Variants in HHIP observed in about 807,000 individuals in gnomAD.
The protein encoded by HHIP is hedgehog-interacting protein.
In HHIP, 12 loss-of-function variants were observed where a neutral mutation model predicts 74.0. That is an observed-to-expected ratio of 0.16 (90% CI 0.10 to 0.26). The LOEUF (loss-of-function observed/expected upper bound fraction) is 0.26. HHIP is among the 10% of genes least tolerant of loss of function. HHIP has a pLI of 1.00. For missense variants in HHIP, 788 were observed against 845.0 expected, an observed-to-expected ratio of 0.93 and a Z score of 0.84; for synonymous variants, 309 against 311.6, an observed-to-expected ratio of 0.99 and a Z score of 0.09.
In HHIP at chr4:144,677,397, C is replaced by G. The variant is rs116070261; in HGVS notation, c.831+17559C>G. Among the ~76,000 whole-genome samples the G allele has an allele frequency of 5.4e-3, 818 of 152,276 alleles. 9 individuals are homozygous for G. Among genetic ancestry groups the G allele is most frequent in the African/African-American group, 0.019 (798 of 41,538 alleles). ...CAGCACAGATTGTAGCAGCTCTAAG[C>G]TTACATCCTACCAGCTTAGCAAATC... On this transcript the variant is annotated intron_variant, in intron 4 of 12. Coordinates refer to ENST00000296575, the MANE Select transcript of HHIP (RefSeq NM_022475.3).
intron 1 of HHIP, chr4:144,650,542 A>C (rs13136840): frequency 0.36 from 54,225 of 151,794 alleles, 10,995 homozygotes; most frequent in South Asian, 0.52. Context: ...ACACACCCAG[A>C]CTCATCTGTC....
At chr4:144,659,459 T>G (rs867849451) in intron 3 of HHIP, among the ~76,000 whole-genome samples, 178 bp from the exon 4 acceptor site, 1 of 152,230 alleles carries the variant, frequency 6.6e-6, no homozygotes, top group Non-Finnish European at 1.5e-5. Flanking sequence ...TTTTTGCCAT[T>G]GAAAGAATTT....
intron 11 of HHIP, among the ~76,000 whole-genome samples, chr4:144,730,221 C>T (rs913115592): frequency 7.3e-6 from 1 of 136,180 alleles, no homozygotes; most frequent in African/African-American, 2.6e-5. Flanking sequence ...ACAAAGCAAG[C>T]CAAAGTTGGT....
At chr4:144,670,087 T>C (rs1156332780) in intron 4 of HHIP, among the ~76,000 whole-genome samples, 1 of 147,668 alleles carries the variant, frequency 6.8e-6, no homozygotes, top group Non-Finnish European at 1.5e-5. Context: ...GAGGTTTCAG[T>C]GAGCCGAGAT....
rs150215905 is a variant in HHIP at position 144,670,543 on chromosome 4, C to T, written c.831+10705C>T. On this transcript the variant is annotated intron_variant, in intron 4 of 12. Transcript: ENST00000296575. ...TGCCATACTATTTAGTTCTAATAAG[C>T]TGTTTCTAAACCACCCTCTTATTCT... 6.7e-5 allele frequency among the ~76,000 whole-genome samples: 10 copies of T among 149,930 alleles called. No individual in the cohort carries two copies. In the East Asian group the frequency reaches 2.0e-3, roughly 30 times the overall value.
At chr4:144,682,148 T>C (rs931956037) in intron 4 of HHIP, among the ~76,000 whole-genome samples, 1 of 152,168 alleles carries the variant, frequency 6.6e-6, no homozygotes, top group Non-Finnish European at 1.5e-5. Context: ...ATTAGAAATA[T>C]GGGGGACATA....
rs1731283087 is a variant in HHIP at position 144,742,476 on chromosome 4, T to A, written c.*4519T>A. On this transcript the variant is annotated 3_prime_UTR_variant, in exon 13 of 13. Coordinates refer to ENST00000296575, the MANE Select transcript of HHIP (RefSeq NM_022475.3). ...ACAGCAGGGAAAGTTAGTAGCTATT[T>A]CCTAGCCAAGGAACAACCTTCTCTA... 1.3e-5 allele frequency: 2 copies of A among 152,240 alleles called. No individual in the cohort carries two copies. Among genetic ancestry groups the A allele is most frequent in the South Asian group, 2.1e-4 (1 of 4,824 alleles). 9.4% of individuals were successfully genotyped at this position (152,240 alleles called of 1,614,324 possible). A position where few individuals can be genotyped will look rare whatever the true frequency, so the allele number is the denominator to read the frequency against.
chr4:144,706,484 G>T, intron 4 of HHIP, 47 bp from the exon 5 acceptor site: 1 of 1,468,788 alleles, frequency 6.8e-7, no homozygotes, highest in South Asian at 1.4e-5. Flanking sequence ...ACACAATAAA[G>T]AACATAATTA....
chr4:144,719,402 C>T (rs1264512012), intron 11 of HHIP, among the ~76,000 whole-genome samples: 1 of 152,184 alleles, frequency 6.6e-6, no homozygotes, highest in Non-Finnish European at 1.5e-5. Flanking sequence ...ATCTGAGCCT[C>T]ATTTGGAAAC....
Position 144,657,661 on chromosome 4 carries a change from A to G in HHIP, c.473-1129A>G, listed in dbSNP as rs16998639. On this transcript the variant is annotated intron_variant, in intron 2 of 12. Coordinates refer to ENST00000296575, the MANE Select transcript of HHIP (RefSeq NM_022475.3). The stretch of plus-strand genomic sequence containing the variant: ...TAAAGTTATTTCCTTTCATATTCAA[A>G]GATAGCTGTCTTTATATGATAAAAT... Among the ~76,000 whole-genome samples the G allele has an allele frequency of 7.1e-4, 108 of 152,310 alleles. 2 individuals carry two copies. In the East Asian group the frequency reaches 0.02, roughly 28 times the overall value.
At chr4:144,736,280 C>T (rs994697291) in intron 12 of HHIP, among the ~76,000 whole-genome samples, 3 of 151,648 alleles carry the variant, frequency 2.0e-5, no homozygotes, top group Non-Finnish European at 2.9e-5. Flanking sequence ...GGATTATAGG[C>T]GCCCACCACC....
At chr4:144,670,557 C>T (rs1452508530) in intron 4 of HHIP, among the ~76,000 whole-genome samples, 1 of 150,754 alleles carries the variant, frequency 6.6e-6, no homozygotes, top group East Asian at 1.9e-4. Context: ...TTCTAAACCA[C>T]CCTCTTATTC....
chr4:144,731,114 T>G (rs1188995076), intron 11 of HHIP, among the ~76,000 whole-genome samples: 9 of 152,224 alleles, frequency 5.9e-5, no homozygotes, highest in South Asian at 2.1e-4. Context: ...GTAAATGTTT[T>G]GTGTTTATGA....
intron 4 of HHIP, among the ~76,000 whole-genome samples, chr4:144,669,629 A>C (rs1728976031): frequency 6.6e-6 from 1 of 152,244 alleles, no homozygotes; most frequent in Non-Finnish European, 1.5e-5. Context: ...AGAGTAACAA[A>C]AAAAAGAGAA....
chr4:144,711,548 T>C (rs989344506), intron 7 of HHIP, among the ~76,000 whole-genome samples: 1 of 152,100 alleles, frequency 6.6e-6, no homozygotes, highest in Non-Finnish European at 1.5e-5. Flanking sequence ...GTCCATGTGT[T>C]CTCATTGTTC....
At chr4:144,712,176 G>A (rs944735175) in intron 8 of HHIP, 105 bp downstream of exon 8, 7 of 993,372 alleles carry the variant, frequency 7.0e-6, no homozygotes, top group Admixed American at 4.1e-5. Context: ...ATTTGGGAAA[G>A]CATAAAAACA....
chr4:144,744,188 T>C lies in HHIP; in HGVS notation c.*6231T>C, dbSNP rs1258509593. On this transcript the variant is annotated 3_prime_UTR_variant, in exon 13 of 13. Transcript: ENST00000296575. Reference sequence around the variant, plus strand: ...TTCCCCAGGACATGCTACAGTAAACTAAACTATTTATTCAAAAGTAACCCA... The same window carrying C: ...TTCCCCAGGACATGCTACAGTAAACCAAACTATTTATTCAAAAGTAACCCA... 1 of 152,110 alleles carries C rather than the reference T, an allele frequency of 6.6e-6. No individual in the cohort carries two copies. Among genetic ancestry groups the C allele is most frequent in the Non-Finnish European group, 1.5e-5 (1 of 67,990 alleles). 9.4% of individuals were successfully genotyped at this position (152,110 alleles called of 1,614,324 possible).
At chr4:144,715,993 T>C in intron 10 of HHIP, among the ~76,000 whole-genome samples, 1 of 152,206 alleles carries the variant, frequency 6.6e-6, no homozygotes, top group African/African-American at 2.4e-5. Context: ...AATATACTTC[T>C]TGGCATGTTT....
In HHIP at chr4:144,715,291, C is replaced by CT; in HGVS notation, c.1548-8dup. 6.2e-7 allele frequency: 1 copy of CT among 1,611,374 alleles called. No homozygotes were observed. The highest frequency in any genetic ancestry group is 8.5e-7 in the Non-Finnish European group (1 of 1,178,062). Reference sequence around the variant, plus strand: ...TTCATTGTAGCTTTATGGTATGTTTCTGTTGTAGGAATTTCCTAACTCTCC... The same window carrying CT: ...TTCATTGTAGCTTTATGGTATGTTTCTTGTTGTAGGAATTTCCTAACTCTCC... On this transcript the variant is annotated splice_polypyrimidine_tract_variant and intron_variant, in intron 9 of 12. Transcript: ENST00000296575.
Sources: allele counts gnomAD v4.1 joint callset (sites outside exome capture counted in the v4.1 genomes callset), GRCh38; gene constraint gnomAD v4.1.1; transcripts MANE v1.5; gene names NCBI Gene and HGNC (gene_info 2026-07-23, HGNC 2026-07-21).